Variants in CTNNA2 observed in about 807,000 individuals in gnomAD.
CTNNA2 encodes the protein catenin alpha 2.
CTNNA2 carries 42 observed loss-of-function variants against 101.0 expected under a neutral mutation model. The ratio of observed to expected loss-of-function variants is 0.42; its 90% CI spans 0.32 to 0.54. CTNNA2 has a LOEUF of 0.54. Ranked by LOEUF, CTNNA2 falls within the 20% of genes least tolerant of loss-of-function variation. The pLI is 0.14. For missense variants in CTNNA2, 871 were observed against 1,223.1 expected, an observed-to-expected ratio of 0.71 and a Z score of 4.29; for synonymous variants, 450 against 456.4, an observed-to-expected ratio of 0.99 and a Z score of 0.18.
chr2:79,594,539 C>T (rs1232695240), intron 1 of CTNNA2, among the ~76,000 whole-genome samples: 4 of 152,144 alleles, frequency 2.6e-5, no homozygotes, highest in African/African-American at 7.2e-5. Flanking sequence ...TTGTAAGTAT[C>T]AGTCATTACT....
intron 4 of CTNNA2, among the ~76,000 whole-genome samples, chr2:79,422,347 A>G (rs79806565): frequency 0.022 from 3,386 of 152,172 alleles, 56 homozygotes; most frequent in South Asian, 0.043. Context: ...ATATCTGAAT[A>G]CAACTGGCAC....
chr2:80,359,725 A>G (rs1034129905), intron 7 of CTNNA2, among the ~76,000 whole-genome samples: 4 of 152,040 alleles, frequency 2.6e-5, no homozygotes, highest in African/African-American at 9.7e-5. Flanking sequence ...TTTATAAGTT[A>G]CTCAGTCTCA....
intron 4 of CTNNA2, among the ~76,000 whole-genome samples, chr2:79,438,256 T>C (rs1678738562): frequency 1.3e-5 from 2 of 152,140 alleles, no homozygotes. Flanking sequence ...TGAAGCTGCT[T>C]TTCCAGCTCC....
At chr2:79,466,842 A>G (rs146983662) in intron 4 of CTNNA2, among the ~76,000 whole-genome samples, 1,864 of 152,350 alleles carry the variant, frequency 0.012, 25 homozygotes, top group African/African-American at 0.037. Context: ...AAAACTAATG[A>G]ACAGAAAGGA....
intron 9 of CTNNA2, among the ~76,000 whole-genome samples, chr2:80,515,424 A>C (rs1020410334): frequency 6.6e-6 from 1 of 152,220 alleles, no homozygotes; most frequent in Non-Finnish European, 1.5e-5. Flanking sequence ...GATAGCTCAG[A>C]ATGACATAAT....
intron 7 of CTNNA2, among the ~76,000 whole-genome samples, chr2:80,095,350 A>G (rs1429422263): frequency 1.3e-5 from 2 of 152,206 alleles, no homozygotes; most frequent in African/African-American, 4.8e-5. Flanking sequence ...CCAGGGATGA[A>G]GCCCACTTGA....
intron 2 of CTNNA2, among the ~76,000 whole-genome samples, chr2:79,265,021 A>G (rs1411385784): frequency 6.6e-6 from 1 of 152,160 alleles, no homozygotes; most frequent in Non-Finnish European, 1.5e-5. Flanking sequence ...AGCTTTTTAG[A>G]GGATCTATAA....
In CTNNA2 at chr2:80,163,198, G is replaced by T. The variant is rs576674790; in HGVS notation, c.1057-230013G>T. On this transcript the variant is annotated intron_variant, in intron 7 of 18. Coordinates refer to ENST00000402739, the MANE Select transcript of CTNNA2 (RefSeq NM_001282597.3). ...GCTCCTCGGTCACTTTCATTTCAAG[G>T]TTGCCCACAAAGAACTAGCTTATTA... 4 of 1,247,976 alleles carry T rather than the reference G, an allele frequency of 3.2e-6. No homozygotes were observed. In the East Asian group the frequency reaches 9.3e-5, roughly 29 times the overall value. 77.3% of individuals were successfully genotyped at this position (1,247,976 alleles called of 1,614,324 possible).
intron 3 of CTNNA2, among the ~76,000 whole-genome samples, chr2:79,832,325 C>A (rs554852572): frequency 6.6e-6 from 1 of 152,186 alleles, no homozygotes; most frequent in Non-Finnish European, 1.5e-5. Flanking sequence ...ATTGTGGCCT[C>A]TCTGATTTTA....
intron 7 of CTNNA2, among the ~76,000 whole-genome samples, chr2:80,110,023 AT>A (rs1238976952): frequency 6.6e-6 from 1 of 152,190 alleles, no homozygotes; most frequent in African/African-American, 2.4e-5. Flanking sequence ...GTAGGATCCC[AT>A]TCACAGTGTT....
chr2:79,902,629 C>CT (rs111234732), intron 6 of CTNNA2, among the ~76,000 whole-genome samples: 3,640 of 142,280 alleles, frequency 0.026, 128 homozygotes, highest in African/African-American at 0.074. Flanking sequence ...TCTTCCTCTT[C>CT]TTTTTTTTTT....
chr2:79,470,536 A>G (rs1670986895), intron 4 of CTNNA2, among the ~76,000 whole-genome samples: 1 of 152,126 alleles, frequency 6.6e-6, no homozygotes, highest in Admixed American at 6.6e-5. Context: ...AATATGAGAG[A>G]CTTCACTTTA....
chr2:79,701,997 C>CAAAAAAAAAAAAAAAAAAAAAAAAAAA, intron 2 of CTNNA2, among the ~76,000 whole-genome samples: 1 of 75,434 alleles, frequency 1.3e-5, no homozygotes, highest in Non-Finnish European at 2.5e-5. Context: ...GACTCTGTCT[C>CAAAAAAAAAAAAAAAAAAAAAAAAAAA]AAAAAAAAAA....
rs1246006496 is a variant in CTNNA2 at position 79,842,381 on chromosome 2, G to C, written c.299-15632G>C. Among the ~76,000 whole-genome samples, 4 of 152,132 alleles carry C rather than the reference G, an allele frequency of 2.6e-5. No individual in the cohort carries two copies. In the East Asian group the frequency reaches 7.7e-4, roughly 29 times the overall value. ...AACAGTACCCCATGGAGTTTTAAAT[G>C]AGTATTAAATGAGTAGATATAAGGC... On this transcript the variant is annotated intron_variant, in intron 3 of 18. Transcript: ENST00000402739.
At chr2:80,077,617 G>A (rs1489609705) in intron 7 of CTNNA2, among the ~76,000 whole-genome samples, 1 of 149,672 alleles carries the variant, frequency 6.7e-6, no homozygotes, top group Non-Finnish European at 1.5e-5. Flanking sequence ...ACAAAACAAA[G>A]CAAAACAAAA....
At chr2:79,213,861 TAG>T (rs1371546424) in intron 2 of CTNNA2, among the ~76,000 whole-genome samples, 1 of 152,086 alleles carries the variant, frequency 6.6e-6, no homozygotes, top group Non-Finnish European at 1.5e-5. Context: ...ATGAGAACTG[TAG>T]AGAGTGAGTT....
rs34858563 is a variant in CTNNA2, at chr2:79,380,260, CT to C, written c.-135+6258del. Among the ~76,000 whole-genome samples, 50 of 147,238 alleles carry C rather than the reference CT, an allele frequency of 3.4e-4. No homozygotes were observed. The East Asian group carries it at 6.6e-3, about 19-fold the overall frequency. On this transcript the variant is annotated intron_variant, in intron 4 of 21. Transcript: ENST00000466387. Reference sequence around the variant, plus strand: ...TTGAAGATTTTCTGTTCTTTTCTTTCTTTTTTTTTTTCCGTGACTAAGAATG... The same window carrying C: ...TTGAAGATTTTCTGTTCTTTTCTTTCTTTTTTTTTTCCGTGACTAAGAATG...
intron 7 of CTNNA2, among the ~76,000 whole-genome samples, chr2:80,212,325 G>A (rs557290877): frequency 6.6e-5 from 10 of 152,284 alleles, no homozygotes; most frequent in African/African-American, 2.2e-4. Context: ...TCAAGTTTTT[G>A]CCCATTCAGT....
chr2:79,905,755 T>C (rs1574278199), intron 6 of CTNNA2, among the ~76,000 whole-genome samples: 2 of 152,162 alleles, frequency 1.3e-5, no homozygotes, highest in Admixed American at 1.3e-4. Context: ...TTCATGGCTG[T>C]TTGCTGATCT....
Sources: gnomAD v4.1 joint callset for allele counts (sites outside exome capture counted in the v4.1 genomes callset) on GRCh38, gnomAD v4.1.1 for gene constraint, MANE v1.5 for transcripts, NCBI Gene and HGNC (gene_info 2026-07-23, HGNC 2026-07-21) for gene names.